The following MCCC2 variants were observed in gnomAD, a reference collection of about 807,000 sequenced individuals.
The protein encoded by MCCC2 is methylcrotonyl-CoA carboxylase subunit 2.
MCCC2 carries 52 observed loss-of-function variants against 77.2 expected under a neutral mutation model. The ratio of observed to expected loss-of-function variants is 0.67; its 90% CI spans 0.54 to 0.85. The LOEUF (loss-of-function observed/expected upper bound fraction) is 0.85. MCCC2 is among the 40% of genes least tolerant of loss of function. The pLI is 0.00. For missense variants in MCCC2, 682 were observed against 703.2 expected (o/e 0.97, Z 0.34); for synonymous variants, 253 against 248.4 (o/e 1.02, Z -0.18).
At chr5:71,604,510 C>A in intron 6 of MCCC2, 42 bp downstream of exon 6, 1 of 1,426,524 alleles carries the variant, frequency 7.0e-7, no homozygotes. Context: ...GCTTTTTACT[C>A]TTAAGTATCT....
intron 11 of MCCC2, 176 bp from the exon 12 acceptor site, chr5:71,643,642 TC>T: frequency 8.2e-7 from 1 of 1,221,620 alleles, no homozygotes; most frequent in Middle Eastern, 2.4e-4. Flanking sequence ...GAAACCAGAG[TC>T]TAGGACCTTA....
In MCCC2 at chr5:71,599,651, C is replaced by T. The variant is rs574221691; in HGVS notation, c.282-8C>T. 1.8e-5 allele frequency: 29 copies of T among 1,604,768 alleles called. No individual in the cohort carries two copies. Among genetic ancestry groups the T allele is most frequent in the Middle Eastern group, 1.7e-4 (1 of 6,042 alleles). On this transcript the variant is annotated splice_polypyrimidine_tract_variant and splice_region_variant and intron_variant, in intron 3 of 16. Coordinates refer to ENST00000340941, the MANE Select transcript of MCCC2 (RefSeq NM_022132.5). Reference sequence around the variant, plus strand: ...ATTAATTCAAACAACATCCTTTCTTCGCTTTAGGTCTCCATTTCTGGAATT... The same window carrying T: ...ATTAATTCAAACAACATCCTTTCTTTGCTTTAGGTCTCCATTTCTGGAATT...
At chr5:71,591,295 T>C (rs1744965720) in intron 1 of MCCC2, among the ~76,000 whole-genome samples, 1 of 152,206 alleles carries the variant, frequency 6.6e-6, no homozygotes, top group African/African-American at 2.4e-5. Flanking sequence ...TGTTCTAAAG[T>C]AATATGCTGA....
At chr5:71,628,138 C>T (rs1746596130) in intron 7 of MCCC2, among the ~76,000 whole-genome samples, 1 of 152,220 alleles carries the variant, frequency 6.6e-6, no homozygotes, top group Admixed American at 6.5e-5. Context: ...GCCACTGCAC[C>T]TGGCCAAGGC....
chr5:71,649,218 A>AG lies in MCCC2; in HGVS notation c.1339dup (p.Ala447GlyfsTer12). 1 of 1,614,180 alleles carries AG rather than the reference A, an allele frequency of 6.2e-7. No homozygotes were observed. Among genetic ancestry groups the AG allele is most frequent in the Non-Finnish European group, 8.5e-7 (1 of 1,180,020 alleles). ...CCCTCATCATTGGGGGCTCCTATGG[A>AG]GCCGGAAACTATGGGATGTGTGGCA... On this transcript the variant is annotated frameshift_variant, in exon 14 of 17. Transcript: ENST00000340941. LOFTEE classifies it high-confidence loss of function.
intron 16 of MCCC2, 124 bp from the exon 17 acceptor site, chr5:71,656,619 G>A (rs1747588128): frequency 1.3e-6 from 1 of 795,856 alleles, no homozygotes; most frequent in Non-Finnish European, 2.3e-6. Flanking sequence ...TATGGTACAT[G>A]GATGCTAATC....
intron 6 of MCCC2, 125 bp from the exon 7 acceptor site, chr5:71,626,515 G>A: frequency 1.4e-6 from 1 of 717,994 alleles, no homozygotes; most frequent in Non-Finnish European, 2.5e-6. Context: ...TTTTTAAAAT[G>A]ATGTTCAGGG....
intron 13 of MCCC2, among the ~76,000 whole-genome samples, chr5:71,646,481 T>TC (rs910245201): frequency 2.0e-5 from 3 of 152,082 alleles, no homozygotes; most frequent in African/African-American, 7.2e-5. Flanking sequence ...ATATTTTCTT[T>TC]CCCCCAAGTA....
At chr5:71,635,443 G>A (rs1746883413) in intron 10 of MCCC2, 197 bp downstream of exon 10, 1 of 656,948 alleles carries the variant, frequency 1.5e-6, no homozygotes, top group Admixed American at 2.2e-5. Flanking sequence ...ACTGAAAGAG[G>A]GGAGTGGGGG....
At chr5:71,596,180 T>C in intron 2 of MCCC2, 100 bp from the exon 3 acceptor site, 2 of 1,104,546 alleles carry the variant, frequency 1.8e-6, no homozygotes, top group Non-Finnish European at 2.8e-6. Context: ...TGTTGAACTT[T>C]TAAAAAGTGC....
chr5:71,646,240 A>G lies in MCCC2; in HGVS notation c.1179A>G (p.Gln393=), dbSNP rs1383864998. The change falls in exon 13 of 17, where the codon CAA becomes CAG. Residue 393 remains glutamine (Q), a synonymous_variant. Coordinates refer to ENST00000340941, the MANE Select transcript of MCCC2 (RefSeq NM_022132.5). ...KGTHFVQLCC[Q]RNIPLLFLQN... ...CTCACTTTGTCCAGTTATGCTGCCA[A>G]AGAAATATTCCTCTGCTGTTCCTTC... The G allele has an allele frequency of 1.2e-6, 2 of 1,613,922 alleles. No individual in the cohort carries two copies. The highest frequency in any genetic ancestry group is 1.7e-6 in the Non-Finnish European group (2 of 1,179,896).
At chr5:71,623,637 G>A (rs901735136) in intron 6 of MCCC2, among the ~76,000 whole-genome samples, 1 of 152,198 alleles carries the variant, frequency 6.6e-6, no homozygotes. Flanking sequence ...TTTATTACAA[G>A]TGAGTCACTG....
intron 13 of MCCC2, among the ~76,000 whole-genome samples, chr5:71,648,214 A>G (rs1002006847): frequency 1.1e-4 from 16 of 152,226 alleles, no homozygotes; most frequent in Admixed American, 8.5e-4. Flanking sequence ...AACCAGGGAT[A>G]GTGGCAGTCA....
At chr5:71,653,505 T>C (rs1324117908) in intron 16 of MCCC2, among the ~76,000 whole-genome samples, 1 of 149,474 alleles carries the variant, frequency 6.7e-6, no homozygotes, top group African/African-American at 2.4e-5. Flanking sequence ...TAAAATTAGC[T>C]TATGTTGTAA....
Position 71,656,784 on chromosome 5 carries a change from T to C in MCCC2, c.1616T>C (p.Leu539Pro), listed in dbSNP as rs1441196849. 3.7e-6 allele frequency: 6 copies of C among 1,614,090 alleles called. No individual in the cohort carries two copies. Among genetic ancestry groups the C allele is most frequent in the Non-Finnish European group, 5.1e-6 (6 of 1,180,018 alleles). The change falls in exon 17 of 17, where the codon CTG (leucine) becomes CCG (proline). Residue 539 changes from leucine to proline, a missense_variant. Leu to Pro is a moderately conservative substitution (Grantham distance 98, BLOSUM62 -3). Transcript: ENST00000340941. ...DGIIDPADTR[L>P]VLGLSFSAAL... ...ATCATTGATCCAGCAGACACCAGAC[T>C]GGTCTTGGGTCTCAGTTTTAGTGCA...
At chr5:71,646,303 G>A (rs775245111) in intron 13 of MCCC2, 26 bp downstream of exon 13, 2 of 1,603,990 alleles carry the variant, frequency 1.2e-6, no homozygotes, top group African/African-American at 1.3e-5. Context: ...AATCAGTTTG[G>A]TTGTATTGAT....
chr5:71,614,470 ATCTC>A (rs747721382), intron 6 of MCCC2, among the ~76,000 whole-genome samples: 83 of 145,174 alleles, frequency 5.7e-4, no homozygotes, highest in Non-Finnish European at 1.0e-3. Flanking sequence ...GTGAGACCCC[ATCTC>A]TCTCTCTCTC....
chr5:71,649,139 A>G lies in MCCC2; in HGVS notation c.1259A>G (p.Lys420Arg). The stretch of plus-strand genomic sequence containing the variant: ...GAGTATGAAGCTGAAGGAATTGCCA[A>G]GGATGGTGCCAAGATGGTGGCCGCT... ...GREYEAEGIA[K>R]DGAKMVAAVA... The change falls in exon 14 of 17, where the codon AAG becomes AGG. Residue 420 changes from lysine to arginine, a missense_variant. Physicochemically the swap from Lys to Arg is conservative, Grantham distance 26. Coordinates refer to ENST00000340941, the MANE Select transcript of MCCC2 (RefSeq NM_022132.5). 6.2e-7 allele frequency: 1 copy of G among 1,614,240 alleles called. No homozygotes were observed. The highest frequency in any genetic ancestry group is 8.5e-7 in the Non-Finnish European group (1 of 1,180,034).
chr5:71,631,342 G>T lies in MCCC2; in HGVS notation c.739-779G>T, dbSNP rs191470709. ...GTCCTCTATTAATACCATGGAGAAGGCCTGGGCGGGTCAGGAAAGCTGTGT... is the reference window on the plus strand; with the variant it reads ...GTCCTCTATTAATACCATGGAGAAGTCCTGGGCGGGTCAGGAAAGCTGTGT... On this transcript the variant is annotated intron_variant, in intron 7 of 16. Coordinates refer to ENST00000340941, the MANE Select transcript of MCCC2 (RefSeq NM_022132.5). 2.6e-5 allele frequency among the ~76,000 whole-genome samples: 4 copies of T among 152,238 alleles called. No homozygotes were observed. The East Asian group carries it at 7.7e-4, about 29-fold the overall frequency.
Sources: allele counts gnomAD v4.1 joint callset (sites outside exome capture counted in the v4.1 genomes callset), GRCh38; gene constraint gnomAD v4.1.1; transcripts MANE v1.5; gene names NCBI Gene and HGNC (gene_info 2026-07-23, HGNC 2026-07-21).